Variants in SEC23A observed in about 807,000 individuals in gnomAD.
SEC23A encodes the protein SEC23 homolog A, COPII component.
Under a neutral mutation model 103.7 loss-of-function variants are expected in SEC23A, and 56 were observed. The ratio of observed to expected loss-of-function variants is 0.54; its 90% CI spans 0.44 to 0.67. The LOEUF (loss-of-function observed/expected upper bound fraction) is 0.67, where lower values mean the gene tolerates loss of function less well. Ranked by LOEUF, SEC23A falls within the 30% of genes least tolerant of loss-of-function variation. SEC23A has a pLI of 0.00. For synonymous variants in SEC23A, 281 were observed against 293.0 expected (o/e 0.96, Z 0.42); for missense variants, 784 against 936.4 (o/e 0.84, Z 2.12).
intron 15 of SEC23A, among the ~76,000 whole-genome samples, chr14:39,045,552 T>G (rs1345578357): frequency 6.6e-6 from 1 of 151,906 alleles, no homozygotes; most frequent in Non-Finnish European, 1.5e-5. Context: ...AAAAAAAAAT[T>G]TTTAAGTTAA....
intron 2 of SEC23A, 64 bp from the exon 3 acceptor site, chr14:39,093,308 A>T: frequency 3.1e-6 from 4 of 1,291,472 alleles, no homozygotes; most frequent in Non-Finnish European, 4.4e-6. Flanking sequence ...CAAAAATCCT[A>T]ATTTCAATAA....
Position 39,092,541 on chromosome 14 carries a change from C to G in SEC23A, c.366G>C (p.Leu122=), listed in dbSNP as rs1395687217. 6.4e-7 allele frequency: 1 copy of G among 1,569,054 alleles called. No homozygotes were observed. Among genetic ancestry groups the G allele is most frequent in the South Asian group, 1.1e-5 (1 of 89,094 alleles). The change falls in exon 4 of 20, where the codon CTG becomes CTC. Residue 122 remains leucine (L), a splice_region_variant and synonymous_variant. Transcript: ENST00000307712. ...PQFSSIEYVV[L]RGPQMPLIFL... Reference sequence around the variant, plus strand: ...TAAATATTTGTTCTTAGGTTCTTACCAGAACTACATATTCAATGCTAGAAA... The same window carrying G: ...TAAATATTTGTTCTTAGGTTCTTACGAGAACTACATATTCAATGCTAGAAA...
intron 17 of SEC23A, among the ~76,000 whole-genome samples, chr14:39,041,886 A>AAT (rs1338020141): frequency 1.5e-4 from 23 of 151,358 alleles, no homozygotes; most frequent in Non-Finnish European, 3.1e-4. Flanking sequence ...AAAAAAAAAA[A>AAT]GTCCTGGGTA....
chr14:39,049,746 A>G (rs909048141), intron 14 of SEC23A, among the ~76,000 whole-genome samples: 1 of 151,750 alleles, frequency 6.6e-6, no homozygotes, highest in African/African-American at 2.4e-5. Flanking sequence ...TGCCACTGCA[A>G]GCCGGCCTGG....
chr14:39,088,397 G>C (rs980105217), intron 5 of SEC23A: 3 of 152,016 alleles, frequency 2.0e-5, no homozygotes, highest in Non-Finnish European at 4.4e-5. Flanking sequence ...AGGAGTTCAA[G>C]ACCAGCCTGG....
chr14:39,039,116 T>C lies in SEC23A; in HGVS notation c.2143-20A>G, dbSNP rs1403733392. 6.2e-7 allele frequency: 1 copy of C among 1,604,402 alleles called. No individual in the cohort carries two copies. The highest frequency in any genetic ancestry group is 2.2e-5 in the East Asian group (1 of 44,774). On this transcript the variant is annotated intron_variant, in intron 18 of 19. Transcript: ENST00000307712. The stretch of plus-strand genomic sequence containing the variant: ...ACGGGCCTTAAAAGCAAAGAAGAAA[T>C]AACATTATCCATCAAAAATGGTTTC...
intron 1 of SEC23A, among the ~76,000 whole-genome samples, chr14:39,100,680 TG>T (rs1034996626): frequency 7.2e-5 from 11 of 152,110 alleles, no homozygotes; most frequent in Non-Finnish European, 1.5e-4. Flanking sequence ...CCCAAAGTGC[TG>T]GGATTACAGG....
chr14:39,048,282 A>C (rs765929723), intron 15 of SEC23A, among the ~76,000 whole-genome samples: 1 of 152,204 alleles, frequency 6.6e-6, no homozygotes, highest in Non-Finnish European at 1.5e-5. Context: ...CCATAAAAAG[A>C]GCAATAAAAA....
intron 8 of SEC23A, among the ~76,000 whole-genome samples, chr14:39,075,337 A>G (rs369737575): frequency 3.9e-5 from 6 of 152,346 alleles, no homozygotes; most frequent in South Asian, 4.1e-4. Context: ...ACTTTTAAAC[A>G]TATAATACTG....
intron 14 of SEC23A, among the ~76,000 whole-genome samples, chr14:39,051,907 C>T (rs1338862899): frequency 1.3e-5 from 2 of 151,442 alleles, no homozygotes; most frequent in Non-Finnish European, 2.9e-5. Context: ...GAGGAGGTTG[C>T]AGTGAGCCGA....
chr14:39,063,697 T>C (rs1886555168), intron 11 of SEC23A, among the ~76,000 whole-genome samples: 1 of 152,208 alleles, frequency 6.6e-6, no homozygotes, highest in African/African-American at 2.4e-5. Context: ...CTGTTCTCTT[T>C]AAAAGCATAT....
intron 14 of SEC23A, among the ~76,000 whole-genome samples, chr14:39,053,528 A>T (rs8016706): frequency 0.92 from 138,297 of 150,038 alleles, 63,802 homozygotes; most frequent in East Asian, 0.97. Flanking sequence ...TTTTTTTTTT[A>T]AAAAAAAGGT....
chr14:39,087,588 T>C (rs1887485946), intron 5 of SEC23A: 1 of 153,042 alleles, frequency 6.5e-6, no homozygotes, highest in Non-Finnish European at 1.5e-5. Flanking sequence ...CTGCCACCTT[T>C]GTTTTGAATT....
At chr14:39,065,385 G>A (rs8014887) in intron 10 of SEC23A, among the ~76,000 whole-genome samples, 9,989 of 151,378 alleles carry the variant, frequency 0.066, 1,102 homozygotes, top group African/African-American at 0.23. Flanking sequence ...CAAAATGTAA[G>A]CTATCACAAT....
intron 19 of SEC23A, among the ~76,000 whole-genome samples, chr14:39,038,096 C>A (rs1427519372): frequency 6.6e-6 from 1 of 152,210 alleles, no homozygotes; most frequent in African/African-American, 2.4e-5. Flanking sequence ...TTTACTTGTA[C>A]AACACATTTC....
chr14:39,068,981 C>T (rs913200534), intron 9 of SEC23A, among the ~76,000 whole-genome samples: 11 of 152,134 alleles, frequency 7.2e-5, no homozygotes, highest in Non-Finnish European at 1.5e-5. Context: ...GCCAACTTCA[C>T]ATATTAATAC....
At chr14:39,091,916 T>C (rs1887676648) in intron 4 of SEC23A, among the ~76,000 whole-genome samples, 1 of 152,186 alleles carries the variant, frequency 6.6e-6, no homozygotes, top group East Asian at 1.9e-4. Context: ...ACATGAGGTA[T>C]AGTTACACAG....
At position 39,032,919 on chromosome 14, in the gene SEC23A, G is replaced by C. The variant is rs1263168359; in HGVS notation, c.*320C>G. On this transcript the variant is annotated 3_prime_UTR_variant, in exon 20 of 20. Coordinates refer to ENST00000307712, the MANE Select transcript of SEC23A (RefSeq NM_006364.4). The stretch of plus-strand genomic sequence containing the variant: ...GAAAATTCAGTGCCACTTTGGGTCT[G>C]TCTGCAATATACAAATGAGTTACAT... 2.8e-5 allele frequency: 6 copies of C among 212,364 alleles called. No homozygotes were observed. Among genetic ancestry groups the C allele is most frequent in the Non-Finnish European group, 5.7e-5 (6 of 105,782 alleles). 13.2% of individuals were successfully genotyped at this position (212,364 alleles called of 1,614,324 possible).
rs561830022 is a variant in SEC23A at position 39,069,663 on chromosome 14, T to C, written c.1104-2367A>G. Among the ~76,000 whole-genome samples, 4 of 152,214 alleles carry C rather than the reference T, an allele frequency of 2.6e-5. No homozygotes were observed. In the East Asian group the frequency reaches 7.7e-4, roughly 29 times the overall value. The stretch of plus-strand genomic sequence containing the variant: ...TTGGTAGAGACAGGGTTTCACCATG[T>C]TGCCCAGACTGGTCTCAAACTCCTG... On this transcript the variant is annotated intron_variant, in intron 9 of 19. Coordinates refer to ENST00000307712, the MANE Select transcript of SEC23A (RefSeq NM_006364.4).
Sources: allele counts gnomAD v4.1 joint callset (sites outside exome capture counted in the v4.1 genomes callset), GRCh38; gene constraint gnomAD v4.1.1; transcripts MANE v1.5; gene names NCBI Gene and HGNC (gene_info 2026-07-23, HGNC 2026-07-21).